Variants in MAPK8IP2 observed in about 807,000 individuals in gnomAD.
MAPK8IP2 encodes C-Jun-amino-terminal kinase-interacting protein 2.
Under a neutral mutation model 75.6 loss-of-function variants are expected in MAPK8IP2, and 15 were observed. That is an observed-to-expected ratio of 0.20 (90% CI 0.13 to 0.31). MAPK8IP2 has a LOEUF of 0.31. Among genes scored for constraint, MAPK8IP2 ranks in the 10% least tolerant of loss-of-function variants. The pLI, the probability that MAPK8IP2 is intolerant of heterozygous loss-of-function variation, is 1.00. For synonymous variants in MAPK8IP2, 632 were observed against 554.5 expected, an observed-to-expected ratio of 1.14 and a Z score of -1.96; for missense variants, 1,089 against 1,211.2, an observed-to-expected ratio of 0.90 and a Z score of 1.50.
In MAPK8IP2 at chr22:50,604,196, G is replaced by A; in HGVS notation, c.897G>A (p.Glu299=). Residue 299 remains glutamate (E), a synonymous_variant, in exon 5 of 12, where the codon GAG becomes GAA. Transcript: ENST00000329492. ...CGCACCTCACCAACTCCATCGAGGAGGCCTCGTCGCCCGCCTCGGAGCCGG... is the reference window on the plus strand; with the variant it reads ...CGCACCTCACCAACTCCATCGAGGAAGCCTCGTCGCCCGCCTCGGAGCCGG... The part of the protein sequence containing the change: ...RSSHLTNSIE[E]ASSPASEPEP... 1 of 1,545,108 alleles carries A rather than the reference G, an allele frequency of 6.5e-7. No individual in the cohort carries two copies. The highest frequency in any genetic ancestry group is 1.9e-5 in the Admixed American group (1 of 52,666).
rs541400066 is a variant in MAPK8IP2, at chr22:50,606,025, G to A, written c.2124+91G>A. 15 of 1,044,158 alleles carry A rather than the reference G, an allele frequency of 1.4e-5. No homozygotes were observed. In the South Asian group the frequency reaches 1.9e-4, roughly 13 times the overall value. 64.7% of individuals were successfully genotyped at this position (1,044,158 alleles called of 1,614,324 possible). On this transcript the variant is annotated intron_variant, in intron 8 of 11. Transcript: ENST00000329492. ...CTGGCACAGGGCTTGAGGCTCCAAG[G>A]TCTGAGGTCTGATTTCCTCCAGGGA...
Position 50,610,612 on chromosome 22 carries a change from GGGAGGAAGGA to G in MAPK8IP2, c.2403-92_2403-83del. 1 of 1,002,836 alleles carries G rather than the reference GGGAGGAAGGA, an allele frequency of 1.0e-6. No individual in the cohort carries two copies. The highest frequency in any genetic ancestry group is 1.6e-5 in the African/African-American group (1 of 63,028). The allele number at this position is 1,002,836 out of a possible 1,614,324, so 62.1% of individuals were successfully genotyped here. On this transcript the variant is annotated intron_variant, in intron 11 of 11. Transcript: ENST00000329492. The surrounding 1 kb of genome is among the most constrained non-coding windows in gnomAD (Gnocchi z 4.3). ...GTGGGGGGTTATGGATGGCTGCAGAGGGAGGAAGGAGGGAGAGCTCAGAGGCTCTGTGGAA... is the reference window on the plus strand; with the variant it reads ...GTGGGGGGTTATGGATGGCTGCAGAGGGGAGAGCTCAGAGGCTCTGTGGAA...
chr22:50,605,397 C>T lies in MAPK8IP2; in HGVS notation c.1795C>T (p.Leu599=). The change falls in exon 6 of 12, where the codon CTG becomes TTG. Residue 599 remains leucine, a synonymous_variant. Transcript: ENST00000329492. ...STESFGLFSC[L]VNGEEREQTH... ...CGAGTCCTTTGGCCTTTTCTCCTGT[C>T]TGGTCAACGGCGAGGAGCGAGAGCA... 1 of 1,613,720 alleles carries T rather than the reference C, an allele frequency of 6.2e-7. No homozygotes were observed. Among genetic ancestry groups the T allele is most frequent in the Non-Finnish European group, 8.5e-7 (1 of 1,179,864 alleles).
chr22:50,608,826 G>A lies in MAPK8IP2; in HGVS notation c.2304-1386G>A, dbSNP rs376953074. Among the ~76,000 whole-genome samples, 565 of 150,028 alleles carry A rather than the reference G, an allele frequency of 3.8e-3. 20 individuals carry two copies. Among genetic ancestry groups the A allele is most frequent in the African/African-American group, 0.013 (536 of 40,620 alleles). On this transcript the variant is annotated intron_variant, in intron 10 of 11. Coordinates refer to ENST00000329492, the MANE Select transcript of MAPK8IP2 (RefSeq NM_012324.6). ...CTCTGGGGTCACTGGGACAGCGGAC[G>A]GGGCGCAGACCAGACAGTGGGGACA...
Position 50,605,045 on chromosome 22 carries a change from C to T in MAPK8IP2, c.1746C>T (p.Asn582=), listed in dbSNP as rs758466795. Residue 582 remains asparagine (N), a synonymous_variant, in exon 5 of 12, where the codon AAC becomes AAT. Transcript: ENST00000329492. The part of the protein sequence containing the change: ...FSKKFLNVFV[N]STSRSSSTES... ...AGAAGTTCCTCAATGTCTTCGTCAA[C>T]AGCACATCTCGGTCCTCCAGTGAGT... The T allele has an allele frequency of 2.5e-6, 4 of 1,612,448 alleles. No homozygotes were observed. In the African/African-American group the frequency reaches 5.3e-5, roughly 22 times the overall value.
Position 50,603,482 on chromosome 22 carries a change from C to T in MAPK8IP2, c.431C>T (p.Thr144Ile). 2 of 1,563,602 alleles carry T rather than the reference C, an allele frequency of 1.3e-6. No individual in the cohort carries two copies. The highest frequency in any genetic ancestry group is 1.7e-6 in the Non-Finnish European group (2 of 1,151,214). ...CACCGGCCCACCACCCTCCGTCTGA[C>T]CACACTGGGGGCCCAGGTGAGTGCC... ...HKHRPTTLRLTTLGAQDSLNN... is the reference protein window; with the variant it reads ...HKHRPTTLRLITLGAQDSLNN... Residue 144 changes from threonine to isoleucine, a missense_variant, in exon 3 of 12, where the codon ACC (threonine) becomes ATC (isoleucine). Physicochemically the swap from Thr to Ile is moderately conservative, Grantham distance 89 (BLOSUM62 -1). Around this residue, in one of 2 missense-constraint regions of MAPK8IP2, gnomAD observed 960 missense variants for 1,009.6 expected, o/e 0.95. Transcript: ENST00000329492.
chr22:50,603,652 T>A lies in MAPK8IP2; in HGVS notation c.474T>A (p.Phe158Leu). The A allele has an allele frequency of 1.3e-6, 2 of 1,594,092 alleles. No individual in the cohort carries two copies. The highest frequency in any genetic ancestry group is 8.5e-7 in the Non-Finnish European group (1 of 1,170,824). ...AQDSLNNNGG[F>L]DLVRPASWQE... ...ACTCCCTAAACAACAACGGAGGCTT[T>A]GACCTGGTGCGTCCGGCCTCCTGGC... The change falls in exon 4 of 12, where the codon TTT becomes TTA. Residue 158 changes from phenylalanine (F) to leucine (L), a missense_variant. This residue lies in a region of MAPK8IP2 where 960 missense variants were observed against 1,009.6 expected (regional missense o/e 0.95). Transcript: ENST00000329492.
intron 10 of MAPK8IP2, chr22:50,609,976 C>T (rs1398184913): frequency 8.5e-6 from 6 of 704,874 alleles, no homozygotes; most frequent in Non-Finnish European, 1.6e-5. Context: ...GAGTGGACGC[C>T]CCTGGTCATC....
chr22:50,613,527 C>G lies in MAPK8IP2; in HGVS notation c.*2748C>G, dbSNP rs1001558660. ...ACAGCCTGCTCCGGCCGCTGCCTCACTGCACCTGCAAATCCACTTGCACCC... is the reference window on the plus strand; with the variant it reads ...ACAGCCTGCTCCGGCCGCTGCCTCAGTGCACCTGCAAATCCACTTGCACCC... On this transcript the variant is annotated 3_prime_UTR_variant, in exon 12 of 12. Coordinates refer to ENST00000329492, the MANE Select transcript of MAPK8IP2 (RefSeq NM_012324.6). 1 of 152,406 alleles carries G rather than the reference C, an allele frequency of 6.6e-6. No individual in the cohort carries two copies. The highest frequency in any genetic ancestry group is 1.5e-5 in the Non-Finnish European group (1 of 68,168). The allele number at this position is 152,406 out of a possible 1,614,324, so 9.4% of individuals were successfully genotyped here. A position where few individuals can be genotyped will look rare whatever the true frequency, so the allele number is the denominator to read the frequency against.
intron 2 of MAPK8IP2, 139 bp downstream of exon 2, chr22:50,602,033 A>G (rs1182693106): frequency 6.1e-6 from 4 of 660,440 alleles, no homozygotes; most frequent in Non-Finnish European, 1.1e-5. Context: ...TCCCCACTTA[A>G]CCCTTGAGGT....
chr22:50,606,531 C>T, intron 8 of MAPK8IP2, 127 bp from the exon 9 acceptor site: 1 of 717,346 alleles, frequency 1.4e-6, no homozygotes, highest in Non-Finnish European at 2.5e-6. Flanking sequence ...AGAATTGCAT[C>T]TCAGGGTCCT....
chr22:50,602,042 G>T (rs2070947133), intron 2 of MAPK8IP2, 148 bp downstream of exon 2: 1 of 645,036 alleles, frequency 1.6e-6, no homozygotes, highest in East Asian at 2.7e-5. Flanking sequence ...AACCCTTGAG[G>T]TTTCCTTGGT....
Position 50,612,901 on chromosome 22 carries a change from C to T in MAPK8IP2, c.*2122C>T, listed in dbSNP as rs2146700122. The T allele has an allele frequency of 6.6e-6, 1 of 151,490 alleles. No homozygotes were observed. Among genetic ancestry groups the T allele is most frequent in the East Asian group, 2.0e-4 (1 of 5,116 alleles). 9.4% of individuals were successfully genotyped at this position (151,490 alleles called of 1,614,324 possible). On this transcript the variant is annotated 3_prime_UTR_variant, in exon 12 of 12. Coordinates refer to ENST00000329492, the MANE Select transcript of MAPK8IP2 (RefSeq NM_012324.6). ...CGGCCTGGCCCCGCCCCTGCCCGGC[C>T]CCGCCCCCCAACGTGTCTTCAGGTC...
chr22:50,604,575 C>T lies in MAPK8IP2; in HGVS notation c.1276C>T (p.Arg426Ter). Residue 426 changes from arginine to a stop codon, truncating the protein, a stop_gained, in exon 5 of 12, where the codon CGA becomes TGA. Coordinates refer to ENST00000329492, the MANE Select transcript of MAPK8IP2 (RefSeq NM_012324.6). LOFTEE classifies it high-confidence loss of function. ...GCCGCCGCCCGCGCCCGCCGCGCCTCGACCCGGCCCCGCGCAGCCCGGGCC... is the reference window on the plus strand; with the variant it reads ...GCCGCCGCCCGCGCCCGCCGCGCCTTGACCCGGCCCCGCGCAGCCCGGGCC... The part of the protein sequence containing the change: ...APPPPAPAAP[R>*]PGPAQPGPCL... The T allele has an allele frequency of 8.2e-7, 1 of 1,213,188 alleles. No individual in the cohort carries two copies. The highest frequency in any genetic ancestry group is 1.0e-6 in the Non-Finnish European group (1 of 979,446). The allele number at this position is 1,213,188 out of a possible 1,614,324, so 75.2% of individuals were successfully genotyped here. A position where few individuals can be genotyped will look rare whatever the true frequency, so the allele number is the denominator to read the frequency against.
At chr22:50,603,151 TCTC>T (rs2070964697) in intron 2 of MAPK8IP2, 69 bp from the exon 3 acceptor site, 5 of 1,607,192 alleles carry the variant, frequency 3.1e-6, no homozygotes, top group Non-Finnish European at 4.3e-6. Context: ...CGATTTCCCT[TCTC>T]CTAGCACCTG....
At chr22:50,609,714 C>T (rs369224547) in intron 10 of MAPK8IP2, 25 of 504,908 alleles carry the variant, frequency 5.0e-5, no homozygotes, top group East Asian at 1.7e-4. Flanking sequence ...ACTCCATGAG[C>T]GAGGCCCCGC....
rs2070989039 is a variant in MAPK8IP2 at position 50,603,958 on chromosome 22, C to A, written c.659C>A (p.Thr220Asn). Residue 220 changes from threonine (T) to asparagine (N), a missense_variant, in exon 5 of 12, where the codon ACT (threonine) becomes AAT (asparagine). Transcript: ENST00000329492. ...RPAEPPAPGG[T>N]SPSSDPGIEA... ...GCGGAACCCCCTGCGCCAGGGGGGACTTCGCCCTCCTCAGATCCCGGCATC... is the reference window on the plus strand; with the variant it reads ...GCGGAACCCCCTGCGCCAGGGGGGAATTCGCCCTCCTCAGATCCCGGCATC... 1.9e-6 allele frequency: 3 copies of A among 1,549,354 alleles called. No homozygotes were observed. Among genetic ancestry groups the A allele is most frequent in the South Asian group, 2.4e-5 (2 of 84,844 alleles).
rs140765288 is a variant in MAPK8IP2 at position 50,602,231 on chromosome 22, G to GT, written c.171+338dup. ...CCCTGGCAGCTGCCATCACAACCTT[G>GT]TCCCCTCTGCAGCCCTGTGCCCTCG... On this transcript the variant is annotated intron_variant, in intron 2 of 11. Transcript: ENST00000329492. Among the ~76,000 whole-genome samples the GT allele has an allele frequency of 9.1e-3, 1,380 of 152,238 alleles. 26 individuals carry two copies. The highest frequency in any genetic ancestry group is 0.032 in the African/African-American group (1,328 of 41,536).
intron 5 of MAPK8IP2, 105 bp downstream of exon 5, chr22:50,605,169 G>A (rs1201849123): frequency 7.2e-7 from 1 of 1,393,446 alleles, no homozygotes; most frequent in Non-Finnish European, 1.0e-6. Context: ...TGAGGGTCTG[G>A]CTGTGGTCAG....
Sources: gnomAD v4.1 joint callset for allele counts (sites outside exome capture counted in the v4.1 genomes callset) on GRCh38, gnomAD v4.1.1 for gene constraint, gnomAD v4.1.1 regional missense constraint, Gnocchi (gnomAD v3.1) non-coding constraint, MANE v1.5 for transcripts, NCBI Gene and HGNC (gene_info 2026-07-23, HGNC 2026-07-21) for gene names.